PDS5B: variants seen among roughly 807,000 people sequenced by gnomAD.
PDS5B encodes the protein sister chromatid cohesion protein PDS5 homolog B.
A neutral mutation model predicts 184.1 loss-of-function variants in PDS5B; 51 were observed. That is an observed-to-expected ratio of 0.28 (90% confidence interval 0.22 to 0.35). The LOEUF (loss-of-function observed/expected upper bound fraction) is 0.35. Among genes scored for constraint, PDS5B ranks in the 10% least tolerant of loss-of-function variants. PDS5B has a pLI of 1.00. For missense variants in PDS5B, 1,180 were observed against 1,723.3 expected (o/e 0.68, Z 5.58); for synonymous variants, 566 against 569.2 (o/e 0.99, Z 0.08).
At chr13:32,741,624 A>G (rs980784327) in intron 22 of PDS5B, among the ~76,000 whole-genome samples, 5 of 151,254 alleles carry the variant, frequency 3.3e-5, no homozygotes, top group African/African-American at 1.2e-4. Flanking sequence ...ATCCACTACC[A>G]AGATATGAAG....
intron 30 of PDS5B, among the ~76,000 whole-genome samples, chr13:32,763,027 C>G (rs1044286537): frequency 1.1e-4 from 16 of 152,082 alleles, no homozygotes; most frequent in Non-Finnish European, 2.1e-4. Flanking sequence ...AACTTTCTTT[C>G]AATGTTTGAC....
intron 19 of PDS5B, among the ~76,000 whole-genome samples, chr13:32,721,015 C>T (rs1277444030): frequency 6.6e-6 from 1 of 152,154 alleles, no homozygotes; most frequent in Admixed American, 6.5e-5. Flanking sequence ...TAGTACAGAA[C>T]AAAATGGAGT....
At chr13:32,712,276 G>C (rs1486701832) in intron 19 of PDS5B, among the ~76,000 whole-genome samples, 4 of 152,170 alleles carry the variant, frequency 2.6e-5, no homozygotes, top group Non-Finnish European at 5.9e-5. Flanking sequence ...TGGAACTGAA[G>C]TATTTAAAAT....
intron 21 of PDS5B, 108 bp downstream of exon 21, chr13:32,735,438 T>A: frequency 1.4e-6 from 1 of 709,528 alleles, no homozygotes; most frequent in African/African-American, 1.8e-5. Flanking sequence ...TTTGACTGCC[T>A]TGATTTTAGG....
intron 10 of PDS5B, among the ~76,000 whole-genome samples, chr13:32,682,693 C>G (rs1951279128): frequency 6.6e-6 from 1 of 151,946 alleles, no homozygotes; most frequent in African/African-American, 2.4e-5. Flanking sequence ...ACAGTGAAAA[C>G]AGTCTCCATA....
intron 33 of PDS5B, 163 bp downstream of exon 33, chr13:32,770,924 A>G (rs1244627664): frequency 8.1e-6 from 5 of 618,166 alleles, no homozygotes; most frequent in Non-Finnish European, 1.4e-5. Flanking sequence ...TGATATCTCA[A>G]TAAACTATCT....
intron 26 of PDS5B, among the ~76,000 whole-genome samples, chr13:32,757,689 T>G (rs1444222065): frequency 2.0e-5 from 3 of 152,198 alleles, no homozygotes; most frequent in Non-Finnish European, 4.4e-5. Flanking sequence ...TCTTGAAGAG[T>G]TCCCATCAGG....
intron 19 of PDS5B, among the ~76,000 whole-genome samples, chr13:32,711,771 GTGTGTATTTGTCGCACACACA>G (rs1952212235): frequency 6.6e-6 from 1 of 152,186 alleles, no homozygotes; most frequent in African/African-American, 2.4e-5. Context: ...GTATGTGTAT[GTGTGTATTTGTCGCACACACA>G]TATGTAGTAC....
intron 8 of PDS5B, among the ~76,000 whole-genome samples, chr13:32,675,615 A>G (rs1362031942): frequency 6.6e-6 from 1 of 152,192 alleles, no homozygotes; most frequent in African/African-American, 2.4e-5. Flanking sequence ...TTAAAGATGT[A>G]TTTTCATGAA....
intron 1 of PDS5B, among the ~76,000 whole-genome samples, chr13:32,644,528 ATTTC>A (rs879523551): frequency 2.6e-5 from 4 of 151,806 alleles, no homozygotes; most frequent in Non-Finnish European, 5.9e-5. Flanking sequence ...TATACCCTTT[ATTTC>A]TTTTTCTTTC....
At chr13:32,665,074 A>G (rs1377497269) in intron 6 of PDS5B, among the ~76,000 whole-genome samples, 1 of 152,136 alleles carries the variant, frequency 6.6e-6, no homozygotes, top group Admixed American at 6.6e-5. Flanking sequence ...AATAATGGAG[A>G]ATTTCTGAAT....
At chr13:32,600,026 TTC>T (rs1445288466) in intron 1 of PDS5B, among the ~76,000 whole-genome samples, 3 of 152,232 alleles carry the variant, frequency 2.0e-5, no homozygotes, top group Non-Finnish European at 4.4e-5. Context: ...ATTAATTTTT[TTC>T]TCTGTTTTTC....
chr13:32,758,835 C>G (rs956912451), intron 28 of PDS5B, among the ~76,000 whole-genome samples, 182 bp downstream of exon 28: 1 of 152,116 alleles, frequency 6.6e-6, no homozygotes, highest in Non-Finnish European at 1.5e-5. Flanking sequence ...TTAGGATGAT[C>G]TGGTGTTTAT....
rs145027210 is a variant in PDS5B, at chr13:32,751,671, A to G, written c.2737-1661A>G. Among the ~76,000 whole-genome samples the G allele has an allele frequency of 2.5e-3, 376 of 152,166 alleles. 3 individuals are homozygous for G. Among genetic ancestry groups the G allele is most frequent in the African/African-American group, 8.4e-3 (350 of 41,530 alleles). Reference sequence around the variant, plus strand: ...GTATATCTTCTTTTGAAAAGTGTCTATGTCCTTTGCCCACTTTTTAATGGA... The same window carrying G: ...GTATATCTTCTTTTGAAAAGTGTCTGTGTCCTTTGCCCACTTTTTAATGGA... On this transcript the variant is annotated intron_variant, in intron 24 of 34. Coordinates refer to ENST00000315596, the MANE Select transcript of PDS5B (RefSeq NM_015032.4).
chr13:32,705,708 C>A (rs1016422289), intron 17 of PDS5B, among the ~76,000 whole-genome samples: 4 of 152,096 alleles, frequency 2.6e-5, no homozygotes, highest in African/African-American at 9.7e-5. Context: ...GAGATAGGGT[C>A]TCACTCTGCC....
chr13:32,673,663 A>G (rs1417877118), intron 8 of PDS5B, among the ~76,000 whole-genome samples: 1 of 152,196 alleles, frequency 6.6e-6, no homozygotes. Flanking sequence ...TATGTTTTCA[A>G]GGCACAGTTT....
intron 21 of PDS5B, among the ~76,000 whole-genome samples, chr13:32,738,793 T>C (rs764327618): frequency 2.0e-5 from 3 of 152,092 alleles, no homozygotes; most frequent in Non-Finnish European, 4.4e-5. Flanking sequence ...TGTCTCAGCC[T>C]CCCGAGTAGC....
chr13:32,715,285 AT>A (rs1952342057), intron 19 of PDS5B, among the ~76,000 whole-genome samples: 1 of 152,210 alleles, frequency 6.6e-6, no homozygotes, highest in Non-Finnish European at 1.5e-5. Flanking sequence ...CAAATGAAGG[AT>A]ATTCTTAAGT....
At chr13:32,681,347 G>A (rs1477387753) in intron 10 of PDS5B, among the ~76,000 whole-genome samples, 1 of 152,170 alleles carries the variant, frequency 6.6e-6, no homozygotes, top group Non-Finnish European at 1.5e-5. Context: ...TTGAGGCTGG[G>A]CACGGTGGCT....
Sources: allele counts gnomAD v4.1 joint callset (sites outside exome capture counted in the v4.1 genomes callset), GRCh38; gene constraint gnomAD v4.1.1; transcripts MANE v1.5; gene names NCBI Gene and HGNC (gene_info 2026-07-23, HGNC 2026-07-21).